TNN: variants seen among roughly 807,000 people sequenced by gnomAD.
The protein encoded by TNN is tenascin N.
In TNN, 122 loss-of-function variants were observed where a neutral mutation model predicts 134.4. The ratio of observed to expected loss-of-function variants is 0.91; its 90% CI spans 0.78 to 1.06. The LOEUF is 1.06. TNN is among the 50% of genes least tolerant of loss of function. The pLI is 0.00. For synonymous variants in TNN, 710 were observed against 670.3 expected (o/e 1.06, Z -0.91); for missense variants, 1,739 against 1,699.4 (o/e 1.02, Z -0.41).
chr1:175,129,448 G>A (rs1675622257), intron 15 of TNN, among the ~76,000 whole-genome samples: 1 of 151,570 alleles, frequency 6.6e-6, no homozygotes, highest in African/African-American at 2.4e-5. Context: ...CAACTGTAAG[G>A]ATAGAGCCTA....
In TNN at chr1:175,128,727, CG is replaced by C; in HGVS notation, c.3313del (p.Asp1105ThrfsTer33). On this transcript the variant is annotated frameshift_variant, in exon 15 of 19. Transcript: ENST00000239462. LOFTEE classifies it high-confidence loss of function. ...RPLQVYCDME[T>X]DGGGWIVFQR... ...CTGCAGGTGTACTGTGACATGGAAA[CG>C]GACGGAGGTGGCTGGATTGTGAGTC... 1 of 1,613,360 alleles carries C rather than the reference CG, an allele frequency of 6.2e-7. No individual in the cohort carries two copies. The highest frequency in any genetic ancestry group is 1.1e-5 in the South Asian group (1 of 90,964).
intron 9 of TNN, among the ~76,000 whole-genome samples, chr1:175,112,519 G>A (rs1336926781): frequency 2.2e-5 from 3 of 133,692 alleles, no homozygotes; most frequent in African/African-American, 8.3e-5. Context: ...ATCTATATGT[G>A]TTTCCACAGG....
At position 175,137,363 on chromosome 1, in the gene TNN, A is replaced by AGTGT. The variant is rs36158819; in HGVS notation, c.3595+401_3595+404dup. Among the ~76,000 whole-genome samples, 624 of 62,676 alleles carry AGTGT rather than the reference A, an allele frequency of 1.0e-2. 1 individual carries two copies. Among genetic ancestry groups the AGTGT allele is most frequent in the African/African-American group, 0.019 (400 of 20,988 alleles). 41.1% of individuals were successfully genotyped at this position (62,676 alleles called of 152,430 possible). On this transcript the variant is annotated intron_variant, in intron 17 of 18. Coordinates refer to ENST00000239462, the MANE Select transcript of TNN (RefSeq NM_022093.2). Reference sequence around the variant, plus strand: ...TGGCTGTCATCTTTGTCTGCACAGTAGTGTGTGTGTGTGTGTGTGTGTGTG... The same window carrying AGTGT: ...TGGCTGTCATCTTTGTCTGCACAGTAGTGTGTGTGTGTGTGTGTGTGTGTGTGTG...
At chr1:175,099,198 A>C (rs1674654317) in intron 9 of TNN, among the ~76,000 whole-genome samples, 1 of 152,218 alleles carries the variant, frequency 6.6e-6, no homozygotes, top group African/African-American at 2.4e-5. Flanking sequence ...TGCTCCAGGC[A>C]GGGGACATGC....
chr1:175,142,466 A>AAAAC (rs1175598470), intron 17 of TNN, among the ~76,000 whole-genome samples: 1 of 51,870 alleles, frequency 1.9e-5, no homozygotes, highest in Admixed American at 2.4e-4. Context: ...TGTTCCCTAA[A>AAAAC]AAACAAGTGA....
chr1:175,079,880 T>C (rs551691040), intron 3 of TNN, among the ~76,000 whole-genome samples, 173 bp downstream of exon 3: 1 of 152,334 alleles, frequency 6.6e-6, no homozygotes, highest in African/African-American at 2.4e-5. Flanking sequence ...TTTGCATTTC[T>C]AACAAGTTCC....
chr1:175,087,090 A>G (rs1272891647), intron 6 of TNN, among the ~76,000 whole-genome samples: 1 of 152,236 alleles, frequency 6.6e-6, no homozygotes, highest in Admixed American at 6.5e-5. Context: ...CTTTGGGCTT[A>G]GCTACTGCAA....
At chr1:175,123,315 A>T in intron 11 of TNN, 85 bp from the exon 12 acceptor site, 2 of 1,449,632 alleles carry the variant, frequency 1.4e-6, no homozygotes, top group Non-Finnish European at 1.9e-6. Context: ...TGATAACATG[A>T]TGGAGAGCTC....
Position 175,104,097 on chromosome 1 carries a change from G to A in TNN, c.2119+5502G>A, listed in dbSNP as rs557437331. ...CTTTCAGACATAACAAGAAAGCCAT[G>A]TGAAAAGAGCAAAGTCTCCCAATTA... On this transcript the variant is annotated intron_variant, in intron 9 of 18. Transcript: ENST00000239462. Among the ~76,000 whole-genome samples, 8 of 146,212 alleles carry A rather than the reference G, an allele frequency of 5.5e-5. 1 individual carries two copies. The East Asian group carries it at 1.4e-3, about 25-fold the overall frequency.
chr1:175,089,606 G>T (rs899004626), intron 6 of TNN, among the ~76,000 whole-genome samples: 1 of 152,238 alleles, frequency 6.6e-6, no homozygotes, highest in African/African-American at 2.4e-5. Context: ...ATAAAATGAA[G>T]AGTTGGACTA....
chr1:175,105,449 G>C lies in TNN; in HGVS notation c.2119+6854G>C, dbSNP rs532706463. 1.4e-4 allele frequency among the ~76,000 whole-genome samples: 20 copies of C among 145,620 alleles called. 1 individual carries two copies. The highest frequency in any genetic ancestry group is 4.9e-4 in the African/African-American group (20 of 40,442). On this transcript the variant is annotated intron_variant, in intron 9 of 18. Coordinates refer to ENST00000239462, the MANE Select transcript of TNN (RefSeq NM_022093.2). ...AGGAGTATCATCAATAGGAAGGGAA[G>C]CTATAGGGAGGCTAGGATATGGGGG...
Position 175,116,787 on chromosome 1 carries a change from A to T in TNN, c.2120-152A>T. 3 of 1,055,902 alleles carry T rather than the reference A, an allele frequency of 2.8e-6. No homozygotes were observed. The Middle Eastern group carries it at 8.7e-4, about 307-fold the overall frequency. 65.4% of individuals were successfully genotyped at this position (1,055,902 alleles called of 1,614,324 possible). A position where few individuals can be genotyped will look rare whatever the true frequency, so the allele number is the denominator to read the frequency against. On this transcript the variant is annotated intron_variant, in intron 9 of 18. Transcript: ENST00000239462. The stretch of plus-strand genomic sequence containing the variant: ...AAAATCCAAGAATCCAGCTGTGGGG[A>T]TAAGGTCTATATCCATGAAACAACT...
At chr1:175,140,155 A>G (rs1408203460) in intron 17 of TNN, among the ~76,000 whole-genome samples, 5 of 152,222 alleles carry the variant, frequency 3.3e-5, no homozygotes, top group Admixed American at 6.5e-5. Flanking sequence ...ACCCTTTGGT[A>G]TAATACAGTA....
chr1:175,080,035 G>A (rs889210090), intron 3 of TNN, 128 bp from the exon 4 acceptor site: 1 of 1,258,330 alleles, frequency 7.9e-7, no homozygotes. Flanking sequence ...ACTTCTAGGG[G>A]TCGGGAATGG....
chr1:175,080,325 A>T lies in TNN; in HGVS notation c.947A>T (p.Tyr316Phe). The T allele has an allele frequency of 6.2e-7, 1 of 1,614,096 alleles. No individual in the cohort carries two copies. The highest frequency in any genetic ancestry group is 8.5e-7 in the Non-Finnish European group (1 of 1,179,994). ...CAAGTGCCCAAGGAGCAGCACAGCTATGAGATTCTTGGTTTGCTGCCTGGA... is the reference window on the plus strand; with the variant it reads ...CAAGTGCCCAAGGAGCAGCACAGCTTTGAGATTCTTGGTTTGCTGCCTGGA... ...QIQVPKEQHSYEILGLLPGTK... is the reference protein window; with the variant it reads ...QIQVPKEQHSFEILGLLPGTK... The change falls in exon 4 of 19, where the codon TAT becomes TTT. Residue 316 changes from tyrosine (Y) to phenylalanine (F), a missense_variant. Coordinates refer to ENST00000239462, the MANE Select transcript of TNN (RefSeq NM_022093.2).
intron 1 of TNN, among the ~76,000 whole-genome samples, chr1:175,076,883 G>T (rs566877768): frequency 6.6e-6 from 1 of 152,280 alleles, no homozygotes; most frequent in South Asian, 2.1e-4. Flanking sequence ...TAAGATGGGG[G>T]TCATCATAGT....
chr1:175,131,365 G>T (rs111776540), intron 15 of TNN, among the ~76,000 whole-genome samples: 70 of 152,266 alleles, frequency 4.6e-4, no homozygotes, highest in African/African-American at 1.6e-3. Context: ...GTCATTCAGG[G>T]CATTGAGTAA....
intron 18 of TNN, among the ~76,000 whole-genome samples, chr1:175,144,951 G>T (rs904561720): frequency 6.6e-6 from 1 of 152,160 alleles, no homozygotes; most frequent in African/African-American, 2.4e-5. Context: ...AGGCTGGGAA[G>T]TCCAAGATCA....
At chr1:175,085,538 C>A in intron 6 of TNN, 44 bp downstream of exon 6, 1 of 1,336,298 alleles carries the variant, frequency 7.5e-7, no homozygotes, top group Non-Finnish European at 1.1e-6. Flanking sequence ...ATCATGTTTG[C>A]ATTCTCATAT....
Sources: gnomAD v4.1 joint callset for allele counts (sites outside exome capture counted in the v4.1 genomes callset) on GRCh38, gnomAD v4.1.1 for gene constraint, MANE v1.5 for transcripts, NCBI Gene and HGNC (gene_info 2026-07-23, HGNC 2026-07-21) for gene names.